FAP: variants seen among roughly 807,000 people sequenced by gnomAD.
The protein encoded by FAP is fibroblast activation protein alpha, also known as prolyl endopeptidase FAP.
A neutral mutation model predicts 126.5 loss-of-function variants in FAP; 110 were observed. The observed-to-expected ratio is 0.87, with a 90% CI of 0.74 to 1.02. The LOEUF (loss-of-function observed/expected upper bound fraction) is 1.02, where lower values mean the gene tolerates loss of function less well. FAP is among the 50% of genes least tolerant of loss of function. The pLI, the probability that FAP is intolerant of heterozygous loss-of-function variation, is 0.00. For missense variants in FAP, 919 were observed against 909.2 expected (o/e 1.01, Z -0.14); for synonymous variants, 334 against 297.3 (o/e 1.12, Z -1.27).
chr2:162,199,947 A>G (rs1688429070), intron 15 of FAP, among the ~76,000 whole-genome samples: 1 of 152,206 alleles, frequency 6.6e-6, no homozygotes, highest in African/African-American at 2.4e-5. Context: ...CCAGGTACAA[A>G]TCCTGGCTCC....
chr2:162,243,092 CA>C, intron 1 of FAP, 100 bp from the exon 2 acceptor site: 1 of 1,005,126 alleles, frequency 9.9e-7, no homozygotes, highest in Non-Finnish European at 1.5e-6. Context: ...TCTCGCCCCA[CA>C]AAGCTTTTGA....
At chr2:162,185,294 G>C (rs1265287752) in intron 20 of FAP, among the ~76,000 whole-genome samples, 3 of 152,112 alleles carry the variant, frequency 2.0e-5, no homozygotes, top group Admixed American at 1.3e-4. Context: ...TCCTATTTTA[G>C]AAATATTCTT....
Position 162,226,550 on chromosome 2 carries a change from T to C in FAP, c.163A>G (p.Lys55Glu), listed in dbSNP as rs1209120413. The change falls in exon 3 of 26, where the codon AAA becomes GAA. Residue 55 changes from lysine to glutamate, a missense_variant. Transcript: ENST00000188790. ...KDILNGTFSY[K>E]TFFPNWISGQ... ...GAAATCCAGTTTGGAAAAAATGTTT[T>C]ATAAGAAAATGTTCCATTTAAAATA... 3.2e-6 allele frequency: 5 copies of C among 1,586,616 alleles called. No individual in the cohort carries two copies. The highest frequency in any genetic ancestry group is 4.3e-6 in the Non-Finnish European group (5 of 1,161,944).
intron 11 of FAP, among the ~76,000 whole-genome samples, chr2:162,213,427 A>C (rs1222231809): frequency 1.3e-5 from 2 of 151,834 alleles, no homozygotes; most frequent in South Asian, 2.1e-4. Context: ...AAACAAACAA[A>C]AAAAAAAACA....
At position 162,214,035 on chromosome 2, in the gene FAP, T is replaced by C; in HGVS notation, c.905A>G (p.Glu302Gly). Reference protein sequence around the residue: ...YFSWLTWVTDERVCLQWLKRV... With the variant: ...YFSWLTWVTDGRVCLQWLKRV... ...TTTTAGCCACTGCAAACATACTCGTTCATCAGTAACCCACGTGAGCCAACT... is the reference window on the plus strand; with the variant it reads ...TTTTAGCCACTGCAAACATACTCGTCCATCAGTAACCCACGTGAGCCAACT... Residue 302 changes from glutamate to glycine, a missense_variant, in exon 11 of 26, where the codon GAA (glutamate) becomes GGA (glycine). Transcript: ENST00000188790. 1 of 1,614,108 alleles carries C rather than the reference T, an allele frequency of 6.2e-7. No homozygotes were observed. Among genetic ancestry groups the C allele is most frequent in the Non-Finnish European group, 8.5e-7 (1 of 1,179,982 alleles).
intron 1 of FAP, 163 bp from the exon 2 acceptor site, chr2:162,243,155 G>C: frequency 1.3e-6 from 1 of 795,120 alleles, no homozygotes; most frequent in Non-Finnish European, 2.1e-6. Context: ...AGCTCTGCAA[G>C]GACAAATGTT....
intron 16 of FAP, chr2:162,198,208 G>A: frequency 3.1e-6 from 4 of 1,289,454 alleles, no homozygotes; most frequent in South Asian, 1.2e-5. Context: ...AAGGACAAAG[G>A]TTCATCTTCT....
chr2:162,225,186 C>A (rs1689585162), intron 4 of FAP, among the ~76,000 whole-genome samples: 1 of 152,112 alleles, frequency 6.6e-6, no homozygotes, highest in African/African-American at 2.4e-5. Flanking sequence ...CTTTCACGAC[C>A]AGTAAGGGAC....
chr2:162,218,502 A>G (rs1689246350), intron 8 of FAP, among the ~76,000 whole-genome samples: 1 of 152,076 alleles, frequency 6.6e-6, no homozygotes, highest in African/African-American at 2.4e-5. Flanking sequence ...AGAGTGACAT[A>G]AACATTGAAA....
rs200040369 is a variant in FAP at position 162,215,912 on chromosome 2, T to C, written c.852A>G (p.Ala284=). The change falls in exon 10 of 26, where the codon GCA becomes GCG. Residue 284 remains alanine, a synonymous_variant. Coordinates refer to ENST00000188790, the MANE Select transcript of FAP (RefSeq NM_004460.5). The part of the protein sequence containing the change: ...YVGPQEVPVP[A]MIASSDYYFS... ...AGATGAACTACCTTGAGGCTATCAT[T>C]GCTGGAACAGGCACTTCCTGGGGAC... The C allele has an allele frequency of 3.0e-5, 48 of 1,613,176 alleles. No individual in the cohort carries two copies. The East Asian group carries it at 9.6e-4, about 32-fold the overall frequency.
chr2:162,206,846 C>T (rs921147984), intron 12 of FAP, among the ~76,000 whole-genome samples: 8 of 152,126 alleles, frequency 5.3e-5, no homozygotes, highest in Admixed American at 3.9e-4. Flanking sequence ...AAGTAAAGTT[C>T]GCAGGAAACC....
intron 20 of FAP, among the ~76,000 whole-genome samples, chr2:162,185,854 G>A (rs1477394905): frequency 6.6e-6 from 1 of 151,998 alleles, no homozygotes; most frequent in Non-Finnish European, 1.5e-5. Context: ...TTCCTTAGGA[G>A]GTATATTGAA....
At chr2:162,181,935 A>G (rs1656612556) in intron 21 of FAP, among the ~76,000 whole-genome samples, 1 of 152,204 alleles carries the variant, frequency 6.6e-6, no homozygotes, top group African/African-American at 2.4e-5. Context: ...TTCTGCTCAG[A>G]TGTTATATCA....
chr2:162,191,381 CAG>C (rs1411601950), intron 17 of FAP, among the ~76,000 whole-genome samples: 2 of 152,032 alleles, frequency 1.3e-5, no homozygotes, highest in African/African-American at 4.8e-5. Flanking sequence ...GGAGCACAAA[CAG>C]AATCTCACAG....
chr2:162,180,686 A>G (rs531336820), intron 21 of FAP, among the ~76,000 whole-genome samples: 3 of 152,318 alleles, frequency 2.0e-5, no homozygotes. Flanking sequence ...CAGCTCTCAG[A>G]TTTCGAATTT....
intron 2 of FAP, 36 bp from the exon 3 acceptor site, chr2:162,226,657 G>T: frequency 8.8e-7 from 1 of 1,134,800 alleles, no homozygotes; most frequent in South Asian, 1.4e-5. Context: ...TTATTAAAAA[G>T]AAGGTTAACA....
At chr2:162,204,180 T>C (rs1688608643) in intron 12 of FAP, among the ~76,000 whole-genome samples, 1 of 152,206 alleles carries the variant, frequency 6.6e-6, no homozygotes, top group Non-Finnish European at 1.5e-5. Flanking sequence ...AGACCTAATG[T>C]GAGACCCATT....
At chr2:162,194,600 C>A in intron 17 of FAP, 101 bp downstream of exon 17, 1 of 982,344 alleles carries the variant, frequency 1.0e-6, no homozygotes, top group Non-Finnish European at 1.6e-6. Context: ...ATCGCAGTTC[C>A]CCTTGGTGGT....
At chr2:162,191,052 G>C (rs1201249534) in intron 17 of FAP, among the ~76,000 whole-genome samples, 1 of 152,086 alleles carries the variant, frequency 6.6e-6, no homozygotes, top group Admixed American at 6.6e-5. Context: ...AAGTACAGTA[G>C]AGCCAACCCT....
Sources: allele counts gnomAD v4.1 joint callset (sites outside exome capture counted in the v4.1 genomes callset), GRCh38; gene constraint gnomAD v4.1.1; transcripts MANE v1.5; gene names NCBI Gene and HGNC (gene_info 2026-07-23, HGNC 2026-07-21).